Variants in TPRG1 observed in about 807,000 individuals in gnomAD.
The protein encoded by TPRG1 is tumor protein p63 regulated 1, also known as tumor protein p63-regulated gene 1 protein.
Under a neutral mutation model 29.3 loss-of-function variants are expected in TPRG1, and 29 were observed. The observed-to-expected ratio is 0.99, with a 90% confidence interval of 0.74 to 1.35. The LOEUF (loss-of-function observed/expected upper bound fraction) is 1.35, where lower values mean the gene tolerates loss of function less well. Ranked by LOEUF, TPRG1 falls within the 40% of genes most tolerant of loss-of-function variation. TPRG1 has a pLI of 0.00. For missense variants in TPRG1, 327 were observed against 335.0 expected (o/e 0.98, Z 0.19); for synonymous variants, 130 against 116.8 (o/e 1.11, Z -0.73).
At chr3:189,277,445 A>G (rs536489404) in intron 4 of TPRG1, among the ~76,000 whole-genome samples, 156 of 152,348 alleles carry the variant, frequency 1.0e-3, no homozygotes, top group Middle Eastern at 3.4e-3. Flanking sequence ...GCAGTCAATA[A>G]GATTAAGAAT....
At chr3:189,281,675 C>T (rs969845962) in intron 4 of TPRG1, among the ~76,000 whole-genome samples, 2 of 151,710 alleles carry the variant, frequency 1.3e-5, no homozygotes, top group Admixed American at 1.3e-4. Context: ...ATGTATAAAT[C>T]CAAGCTAAAG....
intron 4 of TPRG1, among the ~76,000 whole-genome samples, chr3:189,249,356 C>G (rs930744674): frequency 6.6e-6 from 1 of 151,600 alleles, no homozygotes; most frequent in East Asian, 1.9e-4. Context: ...ACTTTAATAC[C>G]TTTCCTGATG....
At chr3:189,009,217 G>T (rs1420794555) in intron 3 of TPRG1, among the ~76,000 whole-genome samples, 1 of 152,054 alleles carries the variant, frequency 6.6e-6, no homozygotes, top group Non-Finnish European at 1.5e-5. Flanking sequence ...TCCAAATTTG[G>T]GGTGTGTTTT....
chr3:189,241,484 G>T (rs969171339), intron 4 of TPRG1, among the ~76,000 whole-genome samples: 1 of 151,548 alleles, frequency 6.6e-6, no homozygotes, highest in Non-Finnish European at 1.5e-5. Flanking sequence ...AGAGCTATTT[G>T]TGTATTAGAG....
chr3:189,277,184 A>G (rs984400635), intron 4 of TPRG1, among the ~76,000 whole-genome samples: 1 of 152,196 alleles, frequency 6.6e-6, no homozygotes, highest in Non-Finnish European at 1.5e-5. Flanking sequence ...AGCTTTCCCT[A>G]CAATCCCCAG....
chr3:189,313,952 C>T (rs1344936194), intron 5 of TPRG1, among the ~76,000 whole-genome samples: 1 of 152,012 alleles, frequency 6.6e-6, no homozygotes, highest in Non-Finnish European at 1.5e-5. Flanking sequence ...GTTATAATGG[C>T]TTAGATAATA....
At chr3:189,147,270 C>T (rs935431989) in intron 3 of TPRG1, among the ~76,000 whole-genome samples, 5 of 152,176 alleles carry the variant, frequency 3.3e-5, no homozygotes, top group African/African-American at 7.2e-5. Context: ...TCTCCAGAAT[C>T]TTTCGGCCTC....
intron 1 of TPRG1, among the ~76,000 whole-genome samples, chr3:189,108,935 A>G (rs981518975): frequency 2.0e-5 from 3 of 152,034 alleles, no homozygotes; most frequent in Admixed American, 6.6e-5. Context: ...TCTGTGCTTG[A>G]TTGCCTCAGG....
At chr3:189,242,283 C>T (rs1190919333) in intron 4 of TPRG1, among the ~76,000 whole-genome samples, 2 of 152,024 alleles carry the variant, frequency 1.3e-5, no homozygotes, top group Non-Finnish European at 2.9e-5. Flanking sequence ...TCTCTTAAAG[C>T]TCAAAATGGT....
intron 1 of TPRG1, among the ~76,000 whole-genome samples, chr3:189,114,436 C>T (rs1303475031): frequency 6.6e-6 from 1 of 152,146 alleles, no homozygotes; most frequent in Admixed American, 6.6e-5. Context: ...GCACACACCA[C>T]CATGCCTGGC....
chr3:189,210,788 G>A (rs1475231710), intron 2 of TPRG1, among the ~76,000 whole-genome samples: 2 of 152,180 alleles, frequency 1.3e-5, no homozygotes, highest in Non-Finnish European at 2.9e-5. Flanking sequence ...CTAGCAAGTG[G>A]CAAAGCTAGG....
At chr3:189,152,548 A>G (rs543439422) in intron 5 of TPRG1, among the ~76,000 whole-genome samples, 45 of 148,130 alleles carry the variant, frequency 3.0e-4, no homozygotes, top group African/African-American at 1.0e-3. Flanking sequence ...ATTGGTACCC[A>G]CCATTATTAT....
intron 5 of TPRG1, among the ~76,000 whole-genome samples, chr3:189,316,037 G>T (rs1426331170): frequency 1.3e-5 from 2 of 152,112 alleles, no homozygotes; most frequent in African/African-American, 2.4e-5. Flanking sequence ...TAAAAGCTGC[G>T]AATTACAAAG....
intron 3 of TPRG1, among the ~76,000 whole-genome samples, chr3:189,023,212 C>T (rs933535149): frequency 9.2e-5 from 14 of 152,308 alleles, no homozygotes; most frequent in Middle Eastern, 3.4e-3. Context: ...CTGGGAGCTG[C>T]AGACCGGAGC....
chr3:189,226,710 A>AAC (rs751482250), intron 3 of TPRG1, among the ~76,000 whole-genome samples: 16 of 151,024 alleles, frequency 1.1e-4, no homozygotes, highest in African/African-American at 3.4e-4. Context: ...AACAAAAAAA[A>AAC]CCGAAAGAAC....
chr3:189,128,985 G>T lies in TPRG1; in HGVS notation c.-590+1775G>T, dbSNP rs745420964. Among the ~76,000 whole-genome samples the T allele has an allele frequency of 3.6e-4, 55 of 151,894 alleles. 1 individual carries two copies. The highest frequency in any genetic ancestry group is 1.0e-4 in the Non-Finnish European group (7 of 67,976). Reference sequence around the variant, plus strand: ...TATTTTGAGATAATTTTAGACTCAGGAAAAACAAAAACAAAAACAACAGCA... The same window carrying T: ...TATTTTGAGATAATTTTAGACTCAGTAAAAACAAAAACAAAAACAACAGCA... On this transcript the variant is annotated intron_variant, in intron 2 of 6. Transcript: ENST00000412373.
chr3:189,177,957 G>T (rs1729714636), intron 1 of TPRG1, among the ~76,000 whole-genome samples: 1 of 152,186 alleles, frequency 6.6e-6, no homozygotes, highest in Non-Finnish European at 1.5e-5. Context: ...AGGTGAATGT[G>T]GTGTGTCCTG....
rs1156942248 is a variant in TPRG1, at chr3:189,215,310, G to T, written c.229G>T (p.Ala77Ser). The T allele has an allele frequency of 6.2e-7, 1 of 1,612,700 alleles. No homozygotes were observed. Among genetic ancestry groups the T allele is most frequent in the Non-Finnish European group, 8.5e-7 (1 of 1,179,426 alleles). Residue 77 changes from alanine to serine, a missense_variant, in exon 3 of 6, where the codon GCC (alanine) becomes TCC (serine). Transcript: ENST00000345063. ...CACACAGCCGGGGGCCATTGAGACT[G>T]CCATGGAAGACTTGAAAGGTCACGT... is the stretch of plus-strand genomic sequence containing the variant. ...FATRPGAIET[A>S]MEDLKGHVAE...
intron 4 of TPRG1, among the ~76,000 whole-genome samples, chr3:189,300,383 C>T (rs756726796): frequency 2.6e-5 from 4 of 152,196 alleles, no homozygotes; most frequent in Non-Finnish European, 5.9e-5. Context: ...AGACAGATGA[C>T]ACATCTTAAA....
Sources: allele counts gnomAD v4.1 joint callset (sites outside exome capture counted in the v4.1 genomes callset), GRCh38; gene constraint gnomAD v4.1.1; transcripts MANE v1.5; gene names NCBI Gene and HGNC (gene_info 2026-07-23, HGNC 2026-07-21).